Variants in RPH3AL observed in about 807,000 individuals in gnomAD.
RPH3AL encodes rab effector Noc2.
Under a neutral mutation model 43.1 loss-of-function variants are expected in RPH3AL, and 38 were observed. The ratio of observed to expected loss-of-function variants is 0.88; its 90% CI spans 0.68 to 1.15. The LOEUF is 1.15. RPH3AL is among the 50% of genes most tolerant of loss of function. The pLI, the probability that RPH3AL is intolerant of heterozygous loss-of-function variation, is 0.00. For missense variants in RPH3AL, 462 were observed against 423.2 expected (o/e 1.09, Z -0.81); for synonymous variants, 189 against 176.3 (o/e 1.07, Z -0.57).
intron 5 of RPH3AL, among the ~76,000 whole-genome samples, chr17:303,227 A>G (rs2043374796): frequency 6.6e-6 from 1 of 152,130 alleles, no homozygotes; most frequent in Non-Finnish European, 1.5e-5. Flanking sequence ...CCCAGTCTCC[A>G]CAAAAAATGA....
rs73282691 is a variant in RPH3AL at position 289,182 on chromosome 17, C to G, written c.352-7328G>C. ...GTTGGTGGTAACAGGCCCCCCCACA[C>G]CCCAGGTTGCAGATGAGGGGATCAA... On this transcript the variant is annotated intron_variant, in intron 5 of 9. Coordinates refer to ENST00000331302, the MANE Select transcript of RPH3AL (RefSeq NM_006987.4). The surrounding 1 kb of genome is among the most constrained non-coding windows in gnomAD (Gnocchi z 5.2). Among the ~76,000 whole-genome samples, 4,195 of 152,152 alleles carry G rather than the reference C, an allele frequency of 0.028. 198 individuals carry two copies. Among genetic ancestry groups the G allele is most frequent in the African/African-American group, 0.095 (3,942 of 41,480 alleles).
At chr17:257,184 G>A (rs113519029) in intron 6 of RPH3AL, among the ~76,000 whole-genome samples, 182 of 20,134 alleles carry the variant, frequency 9.0e-3, no homozygotes, top group East Asian at 0.018. Context: ...TACTTCCTAT[G>A]AGGGGAGCCG....
intron 7 of RPH3AL, among the ~76,000 whole-genome samples, chr17:226,959 G>A (rs1199854424): frequency 2.6e-5 from 4 of 152,146 alleles, no homozygotes; most frequent in South Asian, 2.1e-4. Context: ...TTCTGCCCAC[G>A]CCTGGTTTTT....
chr17:308,229 G>A (rs1308049181), intron 5 of RPH3AL, among the ~76,000 whole-genome samples: 4 of 152,174 alleles, frequency 2.6e-5, no homozygotes, highest in African/African-American at 4.8e-5. Flanking sequence ...AGCAATGGAC[G>A]GGCACTGAGG....
At chr17:320,877 G>GAA (rs2044450213) in intron 4 of RPH3AL, among the ~76,000 whole-genome samples, 1 of 152,242 alleles carries the variant, frequency 6.6e-6, no homozygotes, top group Non-Finnish European at 1.5e-5. Flanking sequence ...AGCCAGGCGG[G>GAA]GAGCGGCTCC....
chr17:256,288 C>T (rs374815823), intron 6 of RPH3AL, among the ~76,000 whole-genome samples: 45 of 45,808 alleles, frequency 9.8e-4, no homozygotes, highest in South Asian at 7.8e-3. Context: ...TCCCTAGGAA[C>T]GTGACTACCC....
intron 1 of RPH3AL, among the ~76,000 whole-genome samples, chr17:348,733 T>C (rs2045296297): frequency 6.6e-6 from 1 of 152,172 alleles, no homozygotes; most frequent in Admixed American, 6.5e-5. Context: ...CATCCCTGTT[T>C]GCTAAAGGAG....
rs929871578 is a variant in RPH3AL at position 328,749 on chromosome 17, T to C, written c.-36-1170A>G. ...ATTTACAATGGATTATTATTTACAA[T>C]GGATTATTATTATTTACAATGGAGT... On this transcript the variant is annotated intron_variant, in intron 2 of 9. Coordinates refer to ENST00000331302, the MANE Select transcript of RPH3AL (RefSeq NM_006987.4). The surrounding 1 kb of genome is among the most constrained non-coding windows in gnomAD (Gnocchi z 4.2). Among the ~76,000 whole-genome samples, 3 of 152,188 alleles carry C rather than the reference T, an allele frequency of 2.0e-5. No homozygotes were observed. The highest frequency in any genetic ancestry group is 2.0e-4 in the Admixed American group (3 of 15,272).
intron 7 of RPH3AL, among the ~76,000 whole-genome samples, chr17:233,903 G>A (rs569082820): frequency 1.4e-4 from 18 of 126,658 alleles, no homozygotes; most frequent in African/African-American, 4.5e-4. Context: ...CCCAAGCGGG[G>A]AGCGGCTACT....
chr17:314,867 AC>A (rs2043866241), intron 5 of RPH3AL, among the ~76,000 whole-genome samples: 1 of 147,174 alleles, frequency 6.8e-6, no homozygotes, highest in Non-Finnish European at 1.5e-5. Flanking sequence ...CCTGTGCCCC[AC>A]CTCCATTGAC....
At position 281,750 on chromosome 17, in the gene RPH3AL, T is replaced by C. The variant is rs748281960; in HGVS notation, c.438+18A>G. ...CCAGCCCACTCAGCCCTCCCCACCG[T>C]CACCCTGGACGCCCTACCTCTCTTT... On this transcript the variant is annotated intron_variant, in intron 6 of 9. Transcript: ENST00000331302. 7 of 1,560,976 alleles carry C rather than the reference T, an allele frequency of 4.5e-6. No homozygotes were observed. In the South Asian group the frequency reaches 6.7e-5, roughly 15 times the overall value.
intron 5 of RPH3AL, among the ~76,000 whole-genome samples, chr17:302,730 A>C (rs1394806435): frequency 6.6e-6 from 1 of 152,232 alleles, no homozygotes; most frequent in Non-Finnish European, 1.5e-5. Context: ...AGGGTGAAAA[A>C]GCCCCGAATA....
intron 6 of RPH3AL, among the ~76,000 whole-genome samples, chr17:269,107 T>C (rs1247114459): frequency 6.6e-6 from 1 of 152,154 alleles, no homozygotes; most frequent in African/African-American, 2.4e-5. Context: ...CTCGATCTCC[T>C]GACCTCATAA....
intron 5 of RPH3AL, among the ~76,000 whole-genome samples, chr17:303,342 G>C (rs1429383141): frequency 6.6e-6 from 1 of 151,760 alleles, no homozygotes; most frequent in Admixed American, 6.6e-5. Context: ...CGTGAGCTAA[G>C]ATCACACCGC....
At chr17:244,929 A>T (rs996841598) in intron 7 of RPH3AL, among the ~76,000 whole-genome samples, 1 of 151,556 alleles carries the variant, frequency 6.6e-6, no homozygotes, top group Non-Finnish European at 1.5e-5. Flanking sequence ...GCATGAGTGT[A>T]ACGCTAGTGT....
intron 2 of RPH3AL, among the ~76,000 whole-genome samples, chr17:330,646 TG>T (rs2044729368): frequency 6.6e-6 from 1 of 152,112 alleles, no homozygotes; most frequent in South Asian, 2.1e-4. Flanking sequence ...GAGACTCAGG[TG>T]GGTGGATCCC....
At chr17:313,564 A>AG (rs2151658761) in intron 5 of RPH3AL, among the ~76,000 whole-genome samples, 3 of 152,178 alleles carry the variant, frequency 2.0e-5, no homozygotes, top group Admixed American at 2.0e-4. Context: ...TTTGGGCCTG[A>AG]GCTCAGAGAG....
chr17:270,124 G>A (rs1301489287), intron 6 of RPH3AL, among the ~76,000 whole-genome samples: 1 of 152,126 alleles, frequency 6.6e-6, no homozygotes, highest in Non-Finnish European at 1.5e-5. Context: ...GGGATGCCGT[G>A]ACAGCAGCCC....
rs1252214584 is a variant in RPH3AL, at chr17:268,555, T to TG, written c.438+13212_438+13213insC. ...TAAGATTTTAAGTATGTTTTTGGGTTTTTTTTTTTTTTTTTTTTTTTTTGA... is the reference window on the plus strand; with the variant it reads ...TAAGATTTTAAGTATGTTTTTGGGTTGTTTTTTTTTTTTTTTTTTTTTTTGA... On this transcript the variant is annotated intron_variant, in intron 6 of 9. Transcript: ENST00000331302. 4.2e-3 allele frequency among the ~76,000 whole-genome samples: 505 copies of TG among 121,430 alleles called. 1 individual carries two copies. Among genetic ancestry groups the TG allele is most frequent in the African/African-American group, 0.016 (487 of 30,400 alleles). The allele number at this position is 121,430 out of a possible 152,430, so 79.7% of individuals were successfully genotyped here. A position where few individuals can be genotyped will look rare whatever the true frequency, so the allele number is the denominator to read the frequency against.
Sources: gnomAD v4.1 joint callset for allele counts (sites outside exome capture counted in the v4.1 genomes callset) on GRCh38, gnomAD v4.1.1 for gene constraint, Gnocchi (gnomAD v3.1) non-coding constraint, MANE v1.5 for transcripts, NCBI Gene and HGNC (gene_info 2026-07-23, HGNC 2026-07-21) for gene names.